The following GPR180 variants were observed in gnomAD, a reference collection of about 807,000 sequenced individuals.
The protein encoded by GPR180 is integral membrane protein GPR180.
Under a neutral mutation model 52.6 loss-of-function variants are expected in GPR180, and 53 were observed. That is an observed-to-expected ratio of 1.01 (90% CI 0.81 to 1.27). The LOEUF is 1.27. Among genes scored for constraint, GPR180 ranks in the 50% most tolerant of loss-of-function variants. The probability of loss-of-function intolerance (pLI) is 0.00; values close to 1 mark genes in which losing one functional copy is unlikely to be tolerated. For synonymous variants in GPR180, 200 were observed against 193.1 expected (o/e 1.04, Z -0.30); for missense variants, 533 against 527.0 (o/e 1.01, Z -0.11).
chr13:94,621,837 A>G (rs1028266229), intron 6 of GPR180, among the ~76,000 whole-genome samples: 5 of 152,278 alleles, frequency 3.3e-5, no homozygotes, highest in Admixed American at 2.6e-4. Flanking sequence ...TTGACATTCT[A>G]AGATACCCAT....
At chr13:94,624,852 A>T (rs573773042) in intron 7 of GPR180, among the ~76,000 whole-genome samples, 1 of 136,272 alleles carries the variant, frequency 7.3e-6, no homozygotes, top group South Asian at 2.3e-4. Flanking sequence ...TTTCTTTTTT[A>T]AGATGGAGTT....
intron 6 of GPR180, among the ~76,000 whole-genome samples, chr13:94,621,876 TTAAG>T (rs1199818182): frequency 6.6e-6 from 1 of 152,096 alleles, no homozygotes. Context: ...TTTGTAAAAA[TTAAG>T]AAGAAAGGTT....
chr13:94,623,999 G>C (rs1454132923), intron 7 of GPR180, among the ~76,000 whole-genome samples: 1 of 152,160 alleles, frequency 6.6e-6, no homozygotes, highest in Non-Finnish European at 1.5e-5. Context: ...TTTTATAACA[G>C]TTAGGAGCTA....
rs1594478639 is a variant in GPR180 at position 94,623,078 on chromosome 13, TCCTAAATGTAATATTG to T, written c.895-30_895-15del. 2 of 1,540,450 alleles carry T rather than the reference TCCTAAATGTAATATTG, an allele frequency of 1.3e-6. No homozygotes were observed. The highest frequency in any genetic ancestry group is 1.9e-5 in the Admixed American group (1 of 53,792). On this transcript the variant is annotated splice_polypyrimidine_tract_variant and intron_variant, in intron 6 of 8. Coordinates refer to ENST00000376958, the MANE Select transcript of GPR180 (RefSeq NM_180989.6). ...TATTGTAATGAGGTATATTTTTTTTTCCTAAATGTAATATTGTTTTTCTTTTGCAGAGTGTTTTGCT... is the reference window on the plus strand; with the variant it reads ...TATTGTAATGAGGTATATTTTTTTTTTTTTTCTTTTGCAGAGTGTTTTGCT...
In GPR180 at chr13:94,631,502, TG is replaced by T. The variant is rs1229980747; in HGVS notation, c.*4332del. 6.6e-6 allele frequency: 1 copy of T among 151,342 alleles called. No homozygotes were observed. The highest frequency in any genetic ancestry group is 2.4e-5 in the African/African-American group (1 of 41,096). 9.4% of individuals were successfully genotyped at this position (151,342 alleles called of 1,614,324 possible). A position where few individuals can be genotyped will look rare whatever the true frequency, so the allele number is the denominator to read the frequency against. On this transcript the variant is annotated 3_prime_UTR_variant, in exon 9 of 9. Transcript: ENST00000376958. ...AGTTCTATCATATTATCCCTTTTTTTGTTTGTTGTACTTAGCTGGTTTATCT... is the reference window on the plus strand; with the variant it reads ...AGTTCTATCATATTATCCCTTTTTTTTTTGTTGTACTTAGCTGGTTTATCT...
At chr13:94,612,996 T>C (rs1889729898) in intron 3 of GPR180, among the ~76,000 whole-genome samples, 1 of 152,202 alleles carries the variant, frequency 6.6e-6, no homozygotes, top group Non-Finnish European at 1.5e-5. Flanking sequence ...ATCAAAATGT[T>C]AGGTAACTAT....
chr13:94,602,038 C>T lies in GPR180; in HGVS notation c.111C>T (p.Ala37=). The change falls in exon 1 of 9, where the codon GCC becomes GCT. Residue 37 remains alanine, a synonymous_variant. Transcript: ENST00000376958. ...TCAGCAGCACCGCGGCCCAGGACGCCCAGGGCCAGCGCATCGGCCACTTCG... is the reference window on the plus strand; with the variant it reads ...TCAGCAGCACCGCGGCCCAGGACGCTCAGGGCCAGCGCATCGGCCACTTCG... ...GSFSSTAAQD[A]QGQRIGHFEF... 6.9e-7 allele frequency: 1 copy of T among 1,447,434 alleles called. No homozygotes were observed. The highest frequency in any genetic ancestry group is 9.1e-7 in the Non-Finnish European group (1 of 1,099,392). The allele number at this position is 1,447,434 out of a possible 1,614,324, so 89.7% of individuals were successfully genotyped here.
intron 5 of GPR180, among the ~76,000 whole-genome samples, chr13:94,619,842 C>T (rs1889830256): frequency 6.6e-6 from 1 of 152,136 alleles, no homozygotes; most frequent in Non-Finnish European, 1.5e-5. Context: ...CTCAGGCCTT[C>T]CCAGTAGCTG....
At position 94,630,432 on chromosome 13, in the gene GPR180, A is replaced by AT. The variant is rs1289757655; in HGVS notation, c.*3268dup. ...AGAAATTCTTTGTGCTAATCTTGTA[A>AT]TTTTTTTGTAAGTTTGAAATTATTT... is the stretch of plus-strand genomic sequence containing the variant. On this transcript the variant is annotated 3_prime_UTR_variant, in exon 9 of 9. Transcript: ENST00000376958. 3.3e-5 allele frequency: 5 copies of AT among 152,208 alleles called. No homozygotes were observed. The highest frequency in any genetic ancestry group is 9.7e-5 in the African/African-American group (4 of 41,446). 9.4% of individuals were successfully genotyped at this position (152,208 alleles called of 1,614,324 possible). A position where few individuals can be genotyped will look rare whatever the true frequency, so the allele number is the denominator to read the frequency against.
rs1222110345 is a variant in GPR180 at position 94,633,747 on chromosome 13, G to T, written c.*6576G>T. 6.6e-6 allele frequency: 1 copy of T among 151,002 alleles called. No homozygotes were observed. Among genetic ancestry groups the T allele is most frequent in the African/African-American group, 2.4e-5 (1 of 40,976 alleles). 9.4% of individuals were successfully genotyped at this position (151,002 alleles called of 1,614,324 possible). A position where few individuals can be genotyped will look rare whatever the true frequency, so the allele number is the denominator to read the frequency against. On this transcript the variant is annotated 3_prime_UTR_variant, in exon 9 of 9. Coordinates refer to ENST00000376958, the MANE Select transcript of GPR180 (RefSeq NM_180989.6). ...CATTTTTTTCTTCTGTGTTCTACCT[G>T]TTTCACAGGTAGAAAAGCCTTAGCT...
rs559377471 is a variant in GPR180, at chr13:94,632,707, CTCTGATAGT to C, written c.*5538_*5546del. On this transcript the variant is annotated 3_prime_UTR_variant, in exon 9 of 9. Transcript: ENST00000376958. The stretch of plus-strand genomic sequence containing the variant: ...AAGTATCTTTGTTATTCATAGTGAG[CTCTGATAGT>C]TACGCTAACCAGATGACTCAAATAG... 2.0e-5 allele frequency: 3 copies of C among 152,260 alleles called. No homozygotes were observed. The highest frequency in any genetic ancestry group is 4.4e-5 in the Non-Finnish European group (3 of 68,016). 9.4% of individuals were successfully genotyped at this position (152,260 alleles called of 1,614,324 possible). A position where few individuals can be genotyped will look rare whatever the true frequency, so the allele number is the denominator to read the frequency against.
chr13:94,613,166 T>C (rs922225085), intron 3 of GPR180, among the ~76,000 whole-genome samples: 1 of 152,234 alleles, frequency 6.6e-6, no homozygotes, highest in African/African-American at 2.4e-5. Flanking sequence ...GGTTTACCTC[T>C]TCATGAGTTC....
At chr13:94,613,151 T>C (rs541477242) in intron 3 of GPR180, among the ~76,000 whole-genome samples, 2 of 152,346 alleles carry the variant, frequency 1.3e-5, no homozygotes, top group African/African-American at 2.4e-5. Flanking sequence ...AAGAAAAGCA[T>C]TAAGGGTTTA....
intron 3 of GPR180, among the ~76,000 whole-genome samples, chr13:94,618,948 C>T (rs1889816418): frequency 6.6e-6 from 1 of 152,110 alleles, no homozygotes; most frequent in South Asian, 2.1e-4. Flanking sequence ...TTGGTTTAAT[C>T]TGCTTTCTTG....
At chr13:94,603,936 C>CT (rs891958822) in intron 1 of GPR180, among the ~76,000 whole-genome samples, 15 of 151,536 alleles carry the variant, frequency 9.9e-5, no homozygotes, top group South Asian at 6.3e-4. Context: ...TCTGAAAGTT[C>CT]TTTTTTTTTA....
Position 94,631,645 on chromosome 13 carries a change from G to A in GPR180, c.*4474G>A, listed in dbSNP as rs151221588. 6.7e-6 allele frequency: 1 copy of A among 148,280 alleles called. No homozygotes were observed. The highest frequency in any genetic ancestry group is 1.5e-5 in the Non-Finnish European group (1 of 67,362). The allele number at this position is 148,280 out of a possible 1,614,324, so 9.2% of individuals were successfully genotyped here. A position where few individuals can be genotyped will look rare whatever the true frequency, so the allele number is the denominator to read the frequency against. ...ATACTAGATGCTCAAAAATATTTTT[G>A]AGTGAATGAAGGCAATGCTGAAAAA... On this transcript the variant is annotated 3_prime_UTR_variant, in exon 9 of 9. Coordinates refer to ENST00000376958, the MANE Select transcript of GPR180 (RefSeq NM_180989.6).
rs554393598 is a variant in GPR180, at chr13:94,621,694, A to G, written c.894+459A>G. ...GTAAAAGAATTCAGGTGATTATCTA[A>G]GATTAATTAAAGGGCAAAATATAGA... is the stretch of plus-strand genomic sequence containing the variant. On this transcript the variant is annotated intron_variant, in intron 6 of 8. Coordinates refer to ENST00000376958, the MANE Select transcript of GPR180 (RefSeq NM_180989.6). Among the ~76,000 whole-genome samples the G allele has an allele frequency of 5.9e-5, 9 of 152,324 alleles. No homozygotes were observed. The South Asian group carries it at 1.9e-3, about 32-fold the overall frequency.
intron 2 of GPR180, among the ~76,000 whole-genome samples, chr13:94,609,928 C>G (rs543014030): frequency 6.6e-6 from 1 of 152,178 alleles, no homozygotes; most frequent in African/African-American, 2.4e-5. Context: ...TATCTCATTC[C>G]TAAAGACAAC....
At chr13:94,615,435 G>C (rs1424238781) in intron 3 of GPR180, among the ~76,000 whole-genome samples, 1 of 152,134 alleles carries the variant, frequency 6.6e-6, no homozygotes, top group Non-Finnish European at 1.5e-5. Context: ...TAATGTTACA[G>C]GTTATTCTGG....
Sources: allele counts gnomAD v4.1 joint callset (sites outside exome capture counted in the v4.1 genomes callset), GRCh38; gene constraint gnomAD v4.1.1; transcripts MANE v1.5; gene names NCBI Gene and HGNC (gene_info 2026-07-23, HGNC 2026-07-21).